TAS2R1: variants seen among roughly 807,000 people sequenced by gnomAD.
TAS2R1 encodes the protein taste 2 receptor member 1.
For synonymous variants in TAS2R1, 141 were observed against 134.2 expected (o/e 1.05, Z -0.35); for missense variants, 370 against 353.4 (o/e 1.05, Z -0.38).
At chr5:9,727,805 C>T in the TAS2R1 span, among the ~76,000 whole-genome samples, 1 of 152,160 alleles carries the variant, frequency 6.6e-6, no homozygotes, top group Non-Finnish European at 1.5e-5. Flanking sequence ...CCCAAGGCAG[C>T]CTTGCAGAGC....
chr5:9,745,166 A>T, the TAS2R1 span, among the ~76,000 whole-genome samples: 1 of 152,172 alleles, frequency 6.6e-6, no homozygotes, highest in Non-Finnish European at 1.5e-5. Context: ...CAGTGGGGCT[A>T]GGCAAAAGTA....
chr5:9,819,822 T>C, the TAS2R1 span, among the ~76,000 whole-genome samples: 1 of 152,136 alleles, frequency 6.6e-6, no homozygotes, highest in African/African-American at 2.4e-5. Flanking sequence ...TACTGATTAC[T>C]CATTAAAATC....
At chr5:9,895,846 G>C in the TAS2R1 span, among the ~76,000 whole-genome samples, 1 of 152,214 alleles carries the variant, frequency 6.6e-6, no homozygotes, top group Non-Finnish European at 1.5e-5. Flanking sequence ...GAGTCCAGCT[G>C]TAATCTGATG....
the TAS2R1 span, among the ~76,000 whole-genome samples, chr5:9,764,143 G>A: frequency 7.9e-5 from 12 of 152,322 alleles, no homozygotes; most frequent in African/African-American, 2.9e-4. Context: ...ATTTATAGGA[G>A]ACAAACTTGT....
At chr5:9,796,766 T>C in the TAS2R1 span, among the ~76,000 whole-genome samples, 30 of 150,924 alleles carry the variant, frequency 2.0e-4, no homozygotes, top group African/African-American at 7.3e-4. Context: ...AGAAAAGTGT[T>C]CTCTGCCAGT....
chr5:9,896,073 T>C, the TAS2R1 span, among the ~76,000 whole-genome samples: 5 of 152,168 alleles, frequency 3.3e-5, no homozygotes, highest in Non-Finnish European at 7.3e-5. Context: ...TGAAAATATT[T>C]TAGAGTTACC....
chr5:9,633,294 T>TATATATATATATATA (rs1476544403), upstream of TAS2R1, among the ~76,000 whole-genome samples: 78 of 67,760 alleles, frequency 1.2e-3, no homozygotes, highest in East Asian at 9.6e-3. Context: ...TGTGTGTATA[T>TATATATATATATATA]TATATATATA....
the TAS2R1 span, among the ~76,000 whole-genome samples, chr5:9,851,518 GTTT>G: frequency 2.9e-5 from 4 of 139,442 alleles, no homozygotes; most frequent in Admixed American, 7.1e-5. Context: ...GCTGGGATTT[GTTT>G]TTTTTTTTTT....
At chr5:9,871,389 A>G in the TAS2R1 span, among the ~76,000 whole-genome samples, 1 of 152,184 alleles carries the variant, frequency 6.6e-6, no homozygotes, top group Non-Finnish European at 1.5e-5. Context: ...TCCTGTAGCC[A>G]ATGCCATAAT....
chr5:9,868,900 C>G, the TAS2R1 span, among the ~76,000 whole-genome samples: 1 of 152,148 alleles, frequency 6.6e-6, no homozygotes, highest in Non-Finnish European at 1.5e-5. Flanking sequence ...CTATAGTGAC[C>G]TTTTCTCCAG....
intron 1 of TAS2R1, among the ~76,000 whole-genome samples, chr5:9,708,002 C>T (rs928594183): frequency 2.0e-5 from 3 of 152,062 alleles, no homozygotes; most frequent in African/African-American, 7.2e-5. Context: ...TTATCTCTAG[C>T]GTTTAATGAA....
At chr5:9,809,783 C>T in the TAS2R1 span, among the ~76,000 whole-genome samples, 1 of 152,278 alleles carries the variant, frequency 6.6e-6, no homozygotes, top group African/African-American at 2.4e-5. Context: ...TTATCAATGC[C>T]AATGAAGACC....
chr5:9,774,299 T>G, the TAS2R1 span, among the ~76,000 whole-genome samples: 8 of 152,248 alleles, frequency 5.3e-5, no homozygotes, highest in Non-Finnish European at 1.0e-4. Context: ...TTTGTTAGGT[T>G]TATCCGATGG....
the TAS2R1 span, among the ~76,000 whole-genome samples, chr5:9,786,536 G>A: frequency 6.6e-6 from 1 of 152,024 alleles, no homozygotes; most frequent in Non-Finnish European, 1.5e-5. Context: ...TCTCAACGTG[G>A]GCTGAGTATT....
At chr5:9,837,475 G>A in the TAS2R1 span, among the ~76,000 whole-genome samples, 3 of 152,180 alleles carry the variant, frequency 2.0e-5, no homozygotes, top group South Asian at 2.1e-4. Flanking sequence ...GTAAATAGGC[G>A]GGCAGCTTCC....
chr5:9,864,939 C>G, the TAS2R1 span, among the ~76,000 whole-genome samples: 1 of 152,142 alleles, frequency 6.6e-6, no homozygotes. Context: ...ACAAGGCCAC[C>G]AGCAAGTGGT....
the TAS2R1 span, among the ~76,000 whole-genome samples, chr5:9,734,038 G>A: frequency 6.6e-6 from 1 of 152,158 alleles, no homozygotes; most frequent in African/African-American, 2.4e-5. Context: ...AGTAGGAGGT[G>A]AGGCCTTTGG....
At chr5:9,667,567 T>C (rs1367574259) in intron 1 of TAS2R1, among the ~76,000 whole-genome samples, 1 of 152,164 alleles carries the variant, frequency 6.6e-6, no homozygotes, top group African/African-American at 2.4e-5. Flanking sequence ...GGAAAGGATA[T>C]AGCCTGTCTG....
chr5:9,824,675 C>A, the TAS2R1 span, among the ~76,000 whole-genome samples: 6 of 151,862 alleles, frequency 4.0e-5, no homozygotes, highest in African/African-American at 1.2e-4. Context: ...AGTGAAACCC[C>A]GTCTCTACTA....
Sources: gnomAD v4.1 joint callset for allele counts (sites outside exome capture counted in the v4.1 genomes callset) on GRCh38, gnomAD v4.1.1 for gene constraint, MANE v1.5 for transcripts, NCBI Gene and HGNC (gene_info 2026-07-23, HGNC 2026-07-21) for gene names.